Variants in HTT-AS observed in about 807,000 individuals in gnomAD.
The protein encoded by HTT-AS is HTT antisense RNA, also known as HTT antisense RNA (head to head).
chr4:3,071,780 C>T (rs79649118), intron 1 of HTT-AS, among the ~76,000 whole-genome samples: 3,934 of 152,186 alleles, frequency 0.026, 127 homozygotes, highest in Non-Finnish European at 0.031. Flanking sequence ...GAGATTAGGA[C>T]ACGGACATGC....
At chr4:3,072,336 G>A (rs1712193158) in intron 1 of HTT-AS, among the ~76,000 whole-genome samples, 1 of 152,242 alleles carries the variant, frequency 6.6e-6, no homozygotes, top group South Asian at 2.1e-4. Context: ...CATGGCAGCT[G>A]ACTTCATCAG....
At chr4:3,064,529 T>C (rs1431334726) in intron 1 of HTT-AS, among the ~76,000 whole-genome samples, 4 of 152,170 alleles carry the variant, frequency 2.6e-5, no homozygotes, top group African/African-American at 4.8e-5. Context: ...TAATGAATAC[T>C]TTGCAGAAAT....
chr4:3,065,401 C>T (rs1024875092), intron 1 of HTT-AS, among the ~76,000 whole-genome samples: 12 of 150,852 alleles, frequency 8.0e-5, no homozygotes, highest in Middle Eastern at 3.2e-3. Context: ...CCACCATGCC[C>T]GGCTAATTTT....
intron 1 of HTT-AS, among the ~76,000 whole-genome samples, chr4:3,073,964 G>C (rs2857935): frequency 0.22 from 33,794 of 151,820 alleles, 4,917 homozygotes; most frequent in East Asian, 0.46. Flanking sequence ...GTCGGCGGGG[G>C]ATCCTTTCCG....
At chr4:3,066,765 T>C (rs1022594497) in intron 1 of HTT-AS, among the ~76,000 whole-genome samples, 2 of 152,204 alleles carry the variant, frequency 1.3e-5, no homozygotes, top group Admixed American at 6.5e-5. Context: ...CGGAAGAAGA[T>C]AATACCTTAA....
At chr4:3,047,630 C>CA (rs1236258545), downstream of HTT-AS, among the ~76,000 whole-genome samples, 1 of 152,162 alleles carries the variant, frequency 6.6e-6, no homozygotes, top group African/African-American at 2.4e-5. Flanking sequence ...CTTAGCCGAC[C>CA]AGGGAAGGGA....
intron 1 of HTT-AS, among the ~76,000 whole-genome samples, chr4:3,066,704 C>T (rs1351142150): frequency 6.6e-6 from 1 of 152,188 alleles, no homozygotes; most frequent in African/African-American, 2.4e-5. Flanking sequence ...TTAAGATGGC[C>T]TAGGACTTCT....
chr4:3,068,916 A>G (rs1712108606), intron 1 of HTT-AS, among the ~76,000 whole-genome samples: 1 of 151,970 alleles, frequency 6.6e-6, no homozygotes, highest in African/African-American at 2.4e-5. Flanking sequence ...GGGCCTCCCA[A>G]AGTGCTAGGA....
chr4:3,069,249 C>T (rs1381739774), intron 1 of HTT-AS, among the ~76,000 whole-genome samples: 1 of 151,626 alleles, frequency 6.6e-6, no homozygotes, highest in East Asian at 1.9e-4. Flanking sequence ...GGGTTCAGGC[C>T]ATCCTCCCAC....
At chr4:3,065,868 T>C (rs1375721346) in intron 1 of HTT-AS, among the ~76,000 whole-genome samples, 2 of 152,250 alleles carry the variant, frequency 1.3e-5, no homozygotes, top group Non-Finnish European at 1.5e-5. Flanking sequence ...TTCCATTGAA[T>C]GTGTACTGCT....
intron 1 of HTT-AS, among the ~76,000 whole-genome samples, chr4:3,067,920 A>C (rs980321302): frequency 6.6e-6 from 1 of 152,124 alleles, no homozygotes; most frequent in Non-Finnish European, 1.5e-5. Context: ...GACAGAGAAA[A>C]TCTTAAAAGC....
intron 2 of HTT-AS, among the ~76,000 whole-genome samples, chr4:3,058,320 C>G (rs1711848800): frequency 6.6e-6 from 1 of 150,960 alleles, no homozygotes; most frequent in Non-Finnish European, 1.5e-5. Context: ...GAATGAAACT[C>G]TGTCTCAAAA....
At chr4:3,058,394 C>CTG (rs1711850284) in intron 2 of HTT-AS, among the ~76,000 whole-genome samples, 1 of 151,640 alleles carries the variant, frequency 6.6e-6, no homozygotes, top group Non-Finnish European at 1.5e-5. Context: ...AGTAAACTGT[C>CTG]ATGGGGCTGG....
intron 1 of HTT-AS, among the ~76,000 whole-genome samples, chr4:3,072,681 A>T (rs1204728335): frequency 6.6e-6 from 1 of 152,156 alleles, no homozygotes; most frequent in Non-Finnish European, 1.5e-5. Context: ...CCCAGGCTGG[A>T]GTGCAATGGC....
chr4:3,068,231 G>A (rs368632927), intron 1 of HTT-AS, among the ~76,000 whole-genome samples: 32 of 150,400 alleles, frequency 2.1e-4, no homozygotes, highest in African/African-American at 6.4e-4. Context: ...GCGTGAACCC[G>A]GGAGGCGGAG....
intron 2 of HTT-AS, among the ~76,000 whole-genome samples, chr4:3,056,816 C>G (rs1417514890): frequency 6.6e-6 from 1 of 152,130 alleles, no homozygotes; most frequent in East Asian, 1.9e-4. Context: ...GGTTCAGAAA[C>G]AATGTCATAC....
chr4:3,055,447 A>G (rs1478961706), intron 2 of HTT-AS, among the ~76,000 whole-genome samples: 2 of 152,184 alleles, frequency 1.3e-5, no homozygotes, highest in Admixed American at 6.5e-5. Flanking sequence ...ATTCAAAGTC[A>G]GCCAATTTGT....
intron 2 of HTT-AS, among the ~76,000 whole-genome samples, chr4:3,052,592 T>G (rs1026190020): frequency 6.6e-6 from 1 of 152,178 alleles, no homozygotes; most frequent in Non-Finnish European, 1.5e-5. Flanking sequence ...ACATAGAGAC[T>G]TGGTGTGTAA....
chr4:3,055,087 A>G (rs1332288395), intron 2 of HTT-AS, among the ~76,000 whole-genome samples: 6 of 151,894 alleles, frequency 4.0e-5, no homozygotes, highest in Non-Finnish European at 5.9e-5. Context: ...GGTGGCTCAC[A>G]CCTGTAATCC....
Sources: gnomAD v4.1 joint callset for allele counts (sites outside exome capture counted in the v4.1 genomes callset) on GRCh38, gnomAD v4.1.1 for gene constraint, MANE v1.5 for transcripts, NCBI Gene and HGNC (gene_info 2026-07-23, HGNC 2026-07-21) for gene names.